The following DSG4 variants were observed in gnomAD, a reference collection of about 807,000 sequenced individuals.
DSG4 encodes the protein desmoglein 4.
A neutral mutation model predicts 93.1 loss-of-function variants in DSG4; 87 were observed. The observed-to-expected ratio is 0.93, with a 90% CI of 0.79 to 1.12. The LOEUF (loss-of-function observed/expected upper bound fraction) is 1.12. Among genes scored for constraint, DSG4 ranks in the 50% most tolerant of loss-of-function variants. DSG4 has a pLI of 0.00. For synonymous variants in DSG4, 432 were observed against 452.9 expected (o/e 0.95, Z 0.59); for missense variants, 1,373 against 1,285.7 (o/e 1.07, Z -1.04).
Position 31,414,080 on chromosome 18 carries a change from G to T in DSG4, c.*485G>T, listed in dbSNP as rs115911413. 2,800 of 156,256 alleles carry T rather than the reference G, an allele frequency of 0.018. 89 individuals carry two copies. The highest frequency in any genetic ancestry group is 0.064 in the African/African-American group (2,663 of 41,544). The allele number at this position is 156,256 out of a possible 1,614,324, so 9.7% of individuals were successfully genotyped here. ...AATTGAAAAGGAACGTAGAGTATCT[G>T]TCAATATCTTTAGATATCTGAAGTC... is the stretch of plus-strand genomic sequence containing the variant. On this transcript the variant is annotated 3_prime_UTR_variant, in exon 16 of 16. Transcript: ENST00000308128.
intron 1 of DSG4, among the ~76,000 whole-genome samples, chr18:31,379,961 C>A (rs569043658): frequency 6.6e-6 from 1 of 152,074 alleles, no homozygotes; most frequent in Admixed American, 6.5e-5. Context: ...TACTCATCAC[C>A]GCAAAGGTTA....
At chr18:31,398,026 C>CAA (rs58572396) in intron 8 of DSG4, among the ~76,000 whole-genome samples, 83 of 80,640 alleles carry the variant, frequency 1.0e-3, no homozygotes, top group Non-Finnish European at 1.5e-3. Flanking sequence ...GACCCTGTCT[C>CAA]AAAAAAAAAA....
chr18:31,387,868 A>G (rs1264560670), intron 3 of DSG4, among the ~76,000 whole-genome samples: 2 of 152,190 alleles, frequency 1.3e-5, no homozygotes, highest in African/African-American at 2.4e-5. Flanking sequence ...TATTTGGCAG[A>G]AAAGTGATGC....
At chr18:31,398,743 G>A (rs571924955) in intron 8 of DSG4, among the ~76,000 whole-genome samples, 9 of 151,796 alleles carry the variant, frequency 5.9e-5, no homozygotes, top group Admixed American at 5.2e-4. Flanking sequence ...CACCAGACCC[G>A]GCGACTATAA....
In DSG4 at chr18:31,413,691, C is replaced by A; in HGVS notation, c.*96C>A. 1 of 1,451,248 alleles carries A rather than the reference C, an allele frequency of 6.9e-7. No homozygotes were observed. Among genetic ancestry groups the A allele is most frequent in the Admixed American group, 1.7e-5 (1 of 57,248 alleles). The allele number at this position is 1,451,248 out of a possible 1,614,324, so 89.9% of individuals were successfully genotyped here. ...ATAATGTACCATATATATTAATAGT[C>A]AACAAATACTCAGATATTCTAAGGT... On this transcript the variant is annotated 3_prime_UTR_variant, in exon 16 of 16. Coordinates refer to ENST00000308128, the MANE Select transcript of DSG4 (RefSeq NM_177986.5).
rs1389599557 is a variant in DSG4, at chr18:31,390,782, C to T, written c.644C>T (p.Thr215Ile). 2 of 1,613,694 alleles carry T rather than the reference C, an allele frequency of 1.2e-6. No homozygotes were observed. Among genetic ancestry groups the T allele is most frequent in the Non-Finnish European group, 8.5e-7 (1 of 1,179,756 alleles). ...GAPMFILNRYTGEVCTMSSFL... is the reference protein window; with the variant it reads ...GAPMFILNRYIGEVCTMSSFL... Reference sequence around the variant, plus strand: ...CCCATGTTCATTCTGAATAGGTACACTGGAGAAGTCTGCACCATGTCCAGT... The same window carrying T: ...CCCATGTTCATTCTGAATAGGTACATTGGAGAAGTCTGCACCATGTCCAGT... Residue 215 changes from threonine to isoleucine, a missense_variant, in exon 6 of 16, where the codon ACT (threonine) becomes ATT (isoleucine). Coordinates refer to ENST00000308128, the MANE Select transcript of DSG4 (RefSeq NM_177986.5).
At chr18:31,411,505 A>T in intron 15 of DSG4, 57 bp downstream of exon 15, 1 of 1,581,330 alleles carries the variant, frequency 6.3e-7, no homozygotes, top group Non-Finnish European at 8.6e-7. Flanking sequence ...TAATAATAGT[A>T]AAATACTCAC....
chr18:31,385,209 A>G, intron 2 of DSG4, 38 bp downstream of exon 2: 1 of 1,420,896 alleles, frequency 7.0e-7, no homozygotes, highest in African/African-American at 1.4e-5. Flanking sequence ...ATTTAAAATT[A>G]AAACAAAAAC....
chr18:31,390,288 AT>A (rs61277413), intron 5 of DSG4, among the ~76,000 whole-genome samples: 2,674 of 152,270 alleles, frequency 0.018, 81 homozygotes, highest in African/African-American at 0.058. Flanking sequence ...TTAATTAAGC[AT>A]TTTTAAATGA....
chr18:31,408,088 T>A (rs1226294317), intron 12 of DSG4, among the ~76,000 whole-genome samples: 1 of 152,176 alleles, frequency 6.6e-6, no homozygotes, highest in South Asian at 2.1e-4. Flanking sequence ...AATACCCCTA[T>A]GGACACTTGT....
chr18:31,378,135 G>A (rs2072096942), intron 1 of DSG4, among the ~76,000 whole-genome samples: 1 of 152,172 alleles, frequency 6.6e-6, no homozygotes, highest in Non-Finnish European at 1.5e-5. Flanking sequence ...GTAGAATATT[G>A]CATCCTCTGA....
At chr18:31,391,419 G>A (rs911212127) in intron 7 of DSG4, among the ~76,000 whole-genome samples, 1 of 152,012 alleles carries the variant, frequency 6.6e-6, no homozygotes, top group African/African-American at 2.4e-5. Context: ...CTCCAAACAA[G>A]CCTTCTCTGT....
rs2072531058 is a variant in DSG4 at position 31,414,195 on chromosome 18, A to G, written c.*600A>G. ...ATAAGAAAAGAGTTTGCCAACTGAA[A>G]GCATGGCTGGAAATGGTTCATCAAA... On this transcript the variant is annotated 3_prime_UTR_variant, in exon 16 of 16. Transcript: ENST00000308128. The G allele has an allele frequency of 6.6e-6, 1 of 152,206 alleles. No individual in the cohort carries two copies. The highest frequency in any genetic ancestry group is 1.5e-5 in the Non-Finnish European group (1 of 68,038). 9.4% of individuals were successfully genotyped at this position (152,206 alleles called of 1,614,324 possible).
Position 31,403,436 on chromosome 18 carries a change from A to G in DSG4, c.1438A>G (p.Thr480Ala). 4 of 1,613,140 alleles carry G rather than the reference A, an allele frequency of 2.5e-6. No homozygotes were observed. The highest frequency in any genetic ancestry group is 3.4e-6 in the Non-Finnish European group (4 of 1,179,494). ...TTCAGATGGCTCTGGAAAAACAGCT[A>G]CAGGAACCATATGTATTGAGGTTCC... ...AIDDGSGKTA[T>A]GTICIEVPDI... Residue 480 changes from threonine (T) to alanine (A), a missense_variant, in exon 11 of 16, where the codon ACA (threonine) becomes GCA (alanine). Physicochemically the swap from Thr to Ala is moderately conservative, Grantham distance 58 (BLOSUM62 0). Coordinates refer to ENST00000308128, the MANE Select transcript of DSG4 (RefSeq NM_177986.5).
chr18:31,376,901 A>G lies in DSG4; in HGVS notation c.-11A>G, dbSNP rs1214920746. ...TCTCACAGGATTTGCGTGCAAGAGA[A>G]ACCCAAAGGAATGGATTGGCTCTTC... On this transcript the variant is annotated 5_prime_UTR_variant, in exon 1 of 16. Transcript: ENST00000308128. 13 of 1,613,636 alleles carry G rather than the reference A, an allele frequency of 8.1e-6. No homozygotes were observed. The highest frequency in any genetic ancestry group is 1.1e-5 in the Non-Finnish European group (13 of 1,179,686).
rs2072527285 is a variant in DSG4 at position 31,413,841 on chromosome 18, C to T, written c.*246C>T. ...AAAATGTGCAGAAAATGTATTGCATCCCTTGATACTGTCTAACGAATAGCA... is the reference window on the plus strand; with the variant it reads ...AAAATGTGCAGAAAATGTATTGCATTCCTTGATACTGTCTAACGAATAGCA... On this transcript the variant is annotated 3_prime_UTR_variant, in exon 16 of 16. Coordinates refer to ENST00000308128, the MANE Select transcript of DSG4 (RefSeq NM_177986.5). The T allele has an allele frequency of 2.1e-6, 1 of 470,722 alleles. No homozygotes were observed. Among genetic ancestry groups the T allele is most frequent in the Non-Finnish European group, 3.9e-6 (1 of 259,114 alleles). The allele number at this position is 470,722 out of a possible 1,614,324, so 29.2% of individuals were successfully genotyped here.
chr18:31,413,569 A>T lies in DSG4; in HGVS notation c.3097A>T (p.Ser1033Cys). Reference protein sequence around the residue: ...MTSRHRVTRYSNIHYTQQ With the variant: ...MTSRHRVTRYCNIHYTQQ ...ATCTCGACACAGAGTAACACGATAC[A>T]GTAACATACATTACACCCAACAGTA... The change falls in exon 16 of 16, where the codon AGT (serine) becomes TGT (cysteine). Residue 1033 changes from serine (S) to cysteine (C), a missense_variant. Ser to Cys is a moderately radical substitution (Grantham distance 112). Transcript: ENST00000308128. 1.9e-6 allele frequency: 3 copies of T among 1,614,016 alleles called. No homozygotes were observed. The highest frequency in any genetic ancestry group is 2.5e-6 in the Non-Finnish European group (3 of 1,180,010).
At chr18:31,388,573 T>C in intron 4 of DSG4, 51 bp downstream of exon 4, 7 of 1,604,610 alleles carry the variant, frequency 4.4e-6, no homozygotes, top group Non-Finnish European at 6.0e-6. Flanking sequence ...TTCTTCCCTT[T>C]TTCAAAAAAT....
In DSG4 at chr18:31,378,822, A is replaced by G. The variant is rs143254172; in HGVS notation, c.48+1863A>G. Among the ~76,000 whole-genome samples the G allele has an allele frequency of 4.1e-3, 619 of 152,274 alleles. 6 individuals are homozygous for G. Among genetic ancestry groups the G allele is most frequent in the African/African-American group, 0.014 (588 of 41,552 alleles). On this transcript the variant is annotated intron_variant, in intron 1 of 15. Transcript: ENST00000308128. ...TACAAGAATTGTTTAAGGAGAATCA[A>G]TGAGATGTTATAGATATTATAGGAA...
Sources: allele counts gnomAD v4.1 joint callset (sites outside exome capture counted in the v4.1 genomes callset), GRCh38; gene constraint gnomAD v4.1.1; transcripts MANE v1.5; gene names NCBI Gene and HGNC (gene_info 2026-07-23, HGNC 2026-07-21).